The following THEMIS variants were observed in gnomAD, a reference collection of about 807,000 sequenced individuals.
THEMIS encodes the protein protein THEMIS.
THEMIS carries 37 observed loss-of-function variants against 52.6 expected under a neutral mutation model. The ratio of observed to expected loss-of-function variants is 0.70; its 90% confidence interval spans 0.54 to 0.93. The LOEUF (loss-of-function observed/expected upper bound fraction) is 0.93. Among genes scored for constraint, THEMIS ranks in the 40% least tolerant of loss-of-function variants. The pLI is 0.00. For synonymous variants in THEMIS, 292 were observed against 272.7 expected (o/e 1.07, Z -0.70); for missense variants, 808 against 763.1 (o/e 1.06, Z -0.69).
chr6:127,839,285 T>A (rs1244990806), intron 2 of THEMIS, among the ~76,000 whole-genome samples: 1 of 152,072 alleles, frequency 6.6e-6, no homozygotes, highest in African/African-American at 2.4e-5. Context: ...ATGAGTTAGT[T>A]ATAAAATATG....
rs1401391590 is a variant in THEMIS at position 127,836,630 on chromosome 6, ATTTTTG to A, written c.251-6702_251-6697del. Reference sequence around the variant, plus strand: ...TGATTTGCACAATAAAGAAAACTGAATTTTTGTTTTTCTAAATTCACCAGTATATAA... The same window carrying A: ...TGATTTGCACAATAAAGAAAACTGAATTTTTCTAAATTCACCAGTATATAA... On this transcript the variant is annotated intron_variant, in intron 2 of 5. Transcript: ENST00000368248. Among the ~76,000 whole-genome samples, 6 of 152,272 alleles carry A rather than the reference ATTTTTG, an allele frequency of 3.9e-5. No individual in the cohort carries two copies. The East Asian group carries it at 1.2e-3, about 29-fold the overall frequency.
At chr6:127,911,203 T>C (rs563106580) in intron 1 of THEMIS, among the ~76,000 whole-genome samples, 3 of 151,320 alleles carry the variant, frequency 2.0e-5, no homozygotes, top group Non-Finnish European at 4.4e-5. Flanking sequence ...ACCTTTCCCC[T>C]CTTTTCACAC....
chr6:127,822,190 G>A (rs976714211), intron 3 of THEMIS, among the ~76,000 whole-genome samples: 7 of 151,766 alleles, frequency 4.6e-5, no homozygotes, highest in South Asian at 2.1e-4. Context: ...CCTTATTATA[G>A]GGCAGTTATT....
intron 2 of THEMIS, among the ~76,000 whole-genome samples, chr6:127,846,658 C>G (rs1012632610): frequency 9.9e-5 from 15 of 151,598 alleles, no homozygotes; most frequent in African/African-American, 3.6e-4. Context: ...AAATTGCCAA[C>G]CAAAAAAAGC....
At chr6:127,765,365 T>A (rs562117235) in intron 4 of THEMIS, among the ~76,000 whole-genome samples, 21 of 152,228 alleles carry the variant, frequency 1.4e-4, no homozygotes, top group Middle Eastern at 6.8e-3. Context: ...CAAATTGGGA[T>A]GAATTTTCAA....
intron 1 of THEMIS, among the ~76,000 whole-genome samples, chr6:127,872,460 TACTC>T (rs1780185783): frequency 6.6e-6 from 1 of 151,932 alleles, no homozygotes; most frequent in African/African-American, 2.4e-5. Context: ...TAATCCCAGT[TACTC>T]AGGAGGCTGA....
At chr6:127,811,447 T>A (rs1032167636) in intron 4 of THEMIS, among the ~76,000 whole-genome samples, 1 of 152,198 alleles carries the variant, frequency 6.6e-6, no homozygotes, top group African/African-American at 2.4e-5. Flanking sequence ...CATTCTTACA[T>A]AGTTACATGT....
chr6:127,775,487 A>G (rs1459271946), intron 4 of THEMIS, among the ~76,000 whole-genome samples: 1 of 151,966 alleles, frequency 6.6e-6, no homozygotes, highest in East Asian at 1.9e-4. Context: ...AAAATGAGAC[A>G]CTCTTCCACA....
At chr6:127,915,620 A>AGAGAGAGAGAGAGAG in intron 1 of THEMIS, among the ~76,000 whole-genome samples, 2 of 117,860 alleles carry the variant, frequency 1.7e-5, no homozygotes, top group African/African-American at 6.0e-5. Flanking sequence ...GAGAGAGAGA[A>AGAGAGAGAGAGAGAG]CTTGAGCTAC....
At chr6:127,723,514 A>G (rs1774434695) in intron 4 of THEMIS, among the ~76,000 whole-genome samples, 1 of 151,860 alleles carries the variant, frequency 6.6e-6, no homozygotes, top group Non-Finnish European at 1.5e-5. Flanking sequence ...AGCTTGATCT[A>G]CCACCTGTAT....
intron 2 of THEMIS, among the ~76,000 whole-genome samples, chr6:127,840,940 AGAG>A (rs1490344078): frequency 6.6e-6 from 1 of 152,096 alleles, no homozygotes; most frequent in South Asian, 2.1e-4. Context: ...ACCACGGATT[AGAG>A]GAGAGAGGGG....
At chr6:127,774,500 C>T (rs917057508) in intron 4 of THEMIS, among the ~76,000 whole-genome samples, 6 of 152,116 alleles carry the variant, frequency 3.9e-5, no homozygotes, top group Non-Finnish European at 8.8e-5. Flanking sequence ...CCACTGCGCC[C>T]GGCCAGAACC....
chr6:127,803,910 A>G (rs546709725), intron 4 of THEMIS, among the ~76,000 whole-genome samples: 12 of 152,342 alleles, frequency 7.9e-5, no homozygotes, highest in Admixed American at 7.2e-4. Context: ...TACAGCTAGC[A>G]TCTCCCAGGA....
At chr6:127,812,008 A>G (rs998212215) in intron 4 of THEMIS, among the ~76,000 whole-genome samples, 1 of 152,218 alleles carries the variant, frequency 6.6e-6, no homozygotes, top group African/African-American at 2.4e-5. Context: ...ATTATTTCTA[A>G]GCATAGAGAG....
At chr6:127,785,844 T>C (rs1776930895) in intron 4 of THEMIS, among the ~76,000 whole-genome samples, 1 of 152,022 alleles carries the variant, frequency 6.6e-6, no homozygotes, top group Non-Finnish European at 1.5e-5. Context: ...TTTTTCATAA[T>C]TAATTATTGT....
intron 4 of THEMIS, among the ~76,000 whole-genome samples, chr6:127,793,341 A>G (rs919365371): frequency 6.6e-6 from 1 of 152,234 alleles, no homozygotes; most frequent in East Asian, 1.9e-4. Flanking sequence ...TGCATATCTG[A>G]TAGAATGACA....
chr6:127,786,813 T>C (rs1257863500), intron 4 of THEMIS, among the ~76,000 whole-genome samples: 2 of 152,082 alleles, frequency 1.3e-5, no homozygotes, highest in African/African-American at 4.8e-5. Flanking sequence ...TTAAGAAAAG[T>C]GACTAAATCT....
At chr6:127,742,206 T>C (rs557800453) in intron 4 of THEMIS, among the ~76,000 whole-genome samples, 2 of 150,938 alleles carry the variant, frequency 1.3e-5, no homozygotes, top group South Asian at 2.1e-4. Context: ...TCCCAGCTAC[T>C]TGGGAGGCTG....
At position 127,854,894 on chromosome 6, in the gene THEMIS, A is replaced by G. The variant is rs553300830; in HGVS notation, c.250+136T>C. The stretch of plus-strand genomic sequence containing the variant: ...CATTCGTTCTTAAAATGATCAAACT[A>G]TAACAATTCCGGATTTTCCCCCCCA... On this transcript the variant is annotated intron_variant, in intron 2 of 5. Coordinates refer to ENST00000368248, the MANE Select transcript of THEMIS (RefSeq NM_001010923.3). The G allele has an allele frequency of 4.4e-6, 3 of 680,684 alleles. No homozygotes were observed. In the South Asian group the frequency reaches 1.3e-4, roughly 28 times the overall value. 42.2% of individuals were successfully genotyped at this position (680,684 alleles called of 1,614,324 possible).
Sources: gnomAD v4.1 joint callset for allele counts (sites outside exome capture counted in the v4.1 genomes callset) on GRCh38, gnomAD v4.1.1 for gene constraint, MANE v1.5 for transcripts, NCBI Gene and HGNC (gene_info 2026-07-23, HGNC 2026-07-21) for gene names.